Variants in NRG1 observed in about 807,000 individuals in gnomAD.
NRG1 encodes the protein neuregulin 1, also known as pro-neuregulin-1, membrane-bound isoform.
Under a neutral mutation model 63.8 loss-of-function variants are expected in NRG1, and 18 were observed. The ratio of observed to expected loss-of-function variants is 0.28; its 90% confidence interval spans 0.19 to 0.42. The LOEUF is 0.42. NRG1 is among the 10% of genes least tolerant of loss of function. The probability of loss-of-function intolerance (pLI) is 1.00; values close to 1 mark genes in which losing one functional copy is unlikely to be tolerated. For missense variants in NRG1, 762 were observed against 814.7 expected (o/e 0.94, Z 0.79); for synonymous variants, 302 against 301.3 (o/e 1.00, Z -0.02).
chr8:32,017,219 C>T (rs1213993224), intron 1 of NRG1, among the ~76,000 whole-genome samples: 1 of 152,080 alleles, frequency 6.6e-6, no homozygotes, highest in African/African-American at 2.4e-5. Flanking sequence ...TTTGGAAGGA[C>T]AAATAGAAAC....
At chr8:32,267,279 C>T (rs1851079997) in intron 1 of NRG1, among the ~76,000 whole-genome samples, 1 of 152,262 alleles carries the variant, frequency 6.6e-6, no homozygotes, top group Non-Finnish European at 1.5e-5. Context: ...CTGTAAACCA[C>T]ATTTTGTAAT....
At chr8:32,537,195 C>CAAAAAAAAAAAAAAAAAAAAAAAAAAAAA (rs71208193) in intron 1 of NRG1, among the ~76,000 whole-genome samples, 1 of 43,818 alleles carries the variant, frequency 2.3e-5, no homozygotes, top group Non-Finnish European at 3.7e-5. Flanking sequence ...GACTCCATCT[C>CAAAAAAAAAAAAAAAAAAAAAAAAAAAAA]AAAAAAAAAA....
At chr8:31,655,663 A>G (rs953462446) in intron 1 of NRG1, among the ~76,000 whole-genome samples, 1 of 152,204 alleles carries the variant, frequency 6.6e-6, no homozygotes, top group African/African-American at 2.4e-5. Flanking sequence ...TATGCTTGTC[A>G]TTTCAAAAAC....
At chr8:31,651,004 C>G (rs527871368) in intron 1 of NRG1, among the ~76,000 whole-genome samples, 9 of 152,200 alleles carry the variant, frequency 5.9e-5, no homozygotes, top group Non-Finnish European at 5.9e-5. Flanking sequence ...ATGACCCAAA[C>G]ATAGAAATCT....
At chr8:32,227,742 T>G (rs2132547632) in intron 1 of NRG1, among the ~76,000 whole-genome samples, 1 of 152,278 alleles carries the variant, frequency 6.6e-6, no homozygotes, top group Non-Finnish European at 1.5e-5. Context: ...GAATACATAC[T>G]TAGACCCTCT....
chr8:32,414,186 T>C (rs758693563), intron 1 of NRG1, among the ~76,000 whole-genome samples: 3 of 152,116 alleles, frequency 2.0e-5, no homozygotes, highest in Non-Finnish European at 2.9e-5. Flanking sequence ...TCTAAGTTAG[T>C]TTCAGGACCC....
chr8:32,302,244 G>A (rs1336655929), intron 1 of NRG1, among the ~76,000 whole-genome samples: 1 of 152,192 alleles, frequency 6.6e-6, no homozygotes, highest in African/African-American at 2.4e-5. Flanking sequence ...TCACAAGGAA[G>A]AAGTGGATAA....
In NRG1 at chr8:32,594,009, A is replaced by G. The variant is rs560944081; in HGVS notation, c.101-1819A>G. ...ATCTCCCAGCCACCAAATAAATAAT[A>G]AGGGGAATATGTAGCTGTAGGGGTA... On this transcript the variant is annotated intron_variant, in intron 1 of 11. Transcript: ENST00000356819. Among the ~76,000 whole-genome samples the G allele has an allele frequency of 3.3e-5, 5 of 152,276 alleles. No individual in the cohort carries two copies. In the South Asian group the frequency reaches 6.2e-4, roughly 19 times the overall value.
chr8:31,843,189 A>G (rs1826357735), intron 1 of NRG1, among the ~76,000 whole-genome samples: 1 of 152,138 alleles, frequency 6.6e-6, no homozygotes, highest in South Asian at 2.1e-4. Flanking sequence ...TAATTTTCAT[A>G]TACGAGAACA....
intron 1 of NRG1, among the ~76,000 whole-genome samples, chr8:32,080,795 G>A (rs1463076490): frequency 6.6e-6 from 1 of 151,362 alleles, no homozygotes; most frequent in East Asian, 1.9e-4. Flanking sequence ...GTGTGTGTGT[G>A]TGTGTGTGTG....
chr8:32,126,309 A>G (rs1331194131), intron 1 of NRG1, among the ~76,000 whole-genome samples: 1 of 151,916 alleles, frequency 6.6e-6, no homozygotes, highest in Non-Finnish European at 1.5e-5. Flanking sequence ...CTATTGGGCA[A>G]CAACAATGTC....
chr8:32,529,479 T>C (rs1485359462), intron 1 of NRG1, among the ~76,000 whole-genome samples: 2 of 152,230 alleles, frequency 1.3e-5, no homozygotes, highest in African/African-American at 4.8e-5. Context: ...TCTTTTCACT[T>C]TATAAACTTG....
At chr8:32,691,232 C>T (rs563538125) in intron 5 of NRG1, among the ~76,000 whole-genome samples, 6 of 151,926 alleles carry the variant, frequency 3.9e-5, no homozygotes, top group East Asian at 1.9e-4. Context: ...TGGTGGCGGG[C>T]GCCTGTGATC....
chr8:31,784,478 T>A (rs560970722), intron 1 of NRG1, among the ~76,000 whole-genome samples: 1 of 152,350 alleles, frequency 6.6e-6, no homozygotes, highest in East Asian at 1.9e-4. Context: ...TAATGCTCAA[T>A]CTGTGCTTCT....
At chr8:32,015,836 A>T (rs976880911) in intron 1 of NRG1, among the ~76,000 whole-genome samples, 2 of 151,598 alleles carry the variant, frequency 1.3e-5, no homozygotes, top group African/African-American at 4.8e-5. Context: ...TCCTCAACGT[A>T]GAAGTTTTCT....
chr8:32,446,103 G>A (rs1301436922), intron 1 of NRG1, among the ~76,000 whole-genome samples: 1 of 152,136 alleles, frequency 6.6e-6, no homozygotes, highest in Non-Finnish European at 1.5e-5. Context: ...AACGGTCTCT[G>A]GAGCTCATAA....
chr8:32,337,213 GT>G (rs1803380654), intron 1 of NRG1, among the ~76,000 whole-genome samples: 1 of 151,988 alleles, frequency 6.6e-6, no homozygotes, highest in Admixed American at 6.6e-5. Flanking sequence ...GTCTTGCTAT[GT>G]TGCCCAAGCT....
At chr8:32,419,291 G>T (rs1430534514) in intron 1 of NRG1, among the ~76,000 whole-genome samples, 2 of 152,222 alleles carry the variant, frequency 1.3e-5, no homozygotes, top group Non-Finnish European at 1.5e-5. Flanking sequence ...ATTTAACCTT[G>T]TTAATATCTC....
intron 1 of NRG1, among the ~76,000 whole-genome samples, chr8:32,344,386 T>TTC (rs1224465246): frequency 0.024 from 2,468 of 101,362 alleles, 133 homozygotes; most frequent in Middle Eastern, 0.059. Context: ...TTCTTTCTCT[T>TTC]TCTTTCTTTT....
Sources: allele counts gnomAD v4.1 joint callset (sites outside exome capture counted in the v4.1 genomes callset), GRCh38; gene constraint gnomAD v4.1.1; transcripts MANE v1.5; gene names NCBI Gene and HGNC (gene_info 2026-07-23, HGNC 2026-07-21).